The following PTPRD variants were observed in gnomAD, a reference collection of about 807,000 sequenced individuals.
The protein encoded by PTPRD is receptor-type tyrosine-protein phosphatase delta.
PTPRD carries 34 observed loss-of-function variants against 214.5 expected under a neutral mutation model. The observed-to-expected ratio is 0.16, with a 90% CI of 0.12 to 0.21. PTPRD has a LOEUF of 0.21. Among genes scored for constraint, PTPRD ranks in the 10% least tolerant of loss-of-function variants. PTPRD has a pLI of 1.00. For synonymous variants in PTPRD, 1,128 were observed against 845.7 expected (o/e 1.33, Z -5.79); for missense variants, 2,545 against 2,398.7 (o/e 1.06, Z -1.27).
At chr9:9,361,908 G>A (rs752358449) in intron 9 of PTPRD, among the ~76,000 whole-genome samples, 28 of 150,812 alleles carry the variant, frequency 1.9e-4, no homozygotes, top group Non-Finnish European at 3.4e-4. Context: ...AACAAGGATA[G>A]AAACCCCCTA....
chr9:8,775,017 C>T (rs546758465), intron 11 of PTPRD, among the ~76,000 whole-genome samples: 25 of 152,172 alleles, frequency 1.6e-4, no homozygotes, highest in Non-Finnish European at 2.8e-4. Context: ...AATTTTTGAT[C>T]GGGCGCCATG....
intron 8 of PTPRD, among the ~76,000 whole-genome samples, chr9:9,406,612 T>C (rs1179031541): frequency 6.6e-6 from 1 of 151,898 alleles, no homozygotes; most frequent in Admixed American, 6.6e-5. Flanking sequence ...ATTTGATATG[T>C]TCTTGAGTTT....
intron 2 of PTPRD, among the ~76,000 whole-genome samples, chr9:10,398,609 CT>C (rs1250924948): frequency 6.6e-6 from 1 of 151,906 alleles, no homozygotes; most frequent in Non-Finnish European, 1.5e-5. Context: ...AAAACATTTT[CT>C]TCCATAATGC....
intron 27 of PTPRD, among the ~76,000 whole-genome samples, chr9:8,491,811 G>A (rs763702017): frequency 6.6e-6 from 1 of 152,148 alleles, no homozygotes; most frequent in Non-Finnish European, 1.5e-5. Flanking sequence ...ATGGCACGCA[G>A]GAGGGCACTC....
At chr9:9,383,706 G>A (rs2062994500) in intron 9 of PTPRD, among the ~76,000 whole-genome samples, 1 of 152,086 alleles carries the variant, frequency 6.6e-6, no homozygotes, top group Non-Finnish European at 1.5e-5. Flanking sequence ...TTATTGGTAA[G>A]TGTAGGGTAA....
At chr9:8,420,257 C>G (rs1409773926) in intron 35 of PTPRD, among the ~76,000 whole-genome samples, 1 of 152,090 alleles carries the variant, frequency 6.6e-6, no homozygotes, top group East Asian at 1.9e-4. Flanking sequence ...GTACCTGGCA[C>G]ATTGTAAGAG....
intron 9 of PTPRD, among the ~76,000 whole-genome samples, chr9:9,357,876 A>T (rs1596324017): frequency 6.6e-6 from 1 of 151,100 alleles, no homozygotes; most frequent in East Asian, 2.0e-4. Context: ...CCCAGGTAAC[A>T]TCTTTACCTA....
chr9:10,278,250 T>C (rs2154388622), intron 3 of PTPRD, among the ~76,000 whole-genome samples: 1 of 152,092 alleles, frequency 6.6e-6, no homozygotes, highest in African/African-American at 2.4e-5. Flanking sequence ...TTTGAGAAAA[T>C]AATTATAACA....
At chr9:9,084,512 C>A (rs1273760057) in intron 10 of PTPRD, among the ~76,000 whole-genome samples, 3 of 152,046 alleles carry the variant, frequency 2.0e-5, no homozygotes, top group Admixed American at 6.6e-5. Context: ...TGTAACAAAC[C>A]TGCATGTTTT....
chr9:9,965,222 C>T (rs939212064), intron 4 of PTPRD, among the ~76,000 whole-genome samples: 3 of 152,074 alleles, frequency 2.0e-5, no homozygotes, highest in Non-Finnish European at 4.4e-5. Flanking sequence ...AAATAAACTG[C>T]TGTGGAACCT....
chr9:9,142,318 G>A (rs2099861896), intron 10 of PTPRD, among the ~76,000 whole-genome samples: 1 of 152,246 alleles, frequency 6.6e-6, no homozygotes, highest in African/African-American at 2.4e-5. Flanking sequence ...AGGGACAGGA[G>A]AGGTGGGTCA....
chr9:8,760,076 G>A (rs62528802), intron 11 of PTPRD, among the ~76,000 whole-genome samples: 23,752 of 152,092 alleles, frequency 0.16, 2,016 homozygotes, highest in African/African-American at 0.21. Flanking sequence ...GATTACAGGC[G>A]TGCGCCACAA....
At chr9:10,307,905 TA>T in intron 3 of PTPRD, among the ~76,000 whole-genome samples, 1 of 152,152 alleles carries the variant, frequency 6.6e-6, no homozygotes, top group South Asian at 2.1e-4. Context: ...GCCCTGTTTT[TA>T]TTGGGATTAT....
At chr9:10,168,912 CT>C in intron 3 of PTPRD, among the ~76,000 whole-genome samples, 1 of 152,118 alleles carries the variant, frequency 6.6e-6, no homozygotes, top group African/African-American at 2.4e-5. Flanking sequence ...GAATTTAATT[CT>C]TTGTTTGTTT....
At chr9:9,982,502 G>T (rs1016357121) in intron 4 of PTPRD, among the ~76,000 whole-genome samples, 1 of 150,500 alleles carries the variant, frequency 6.6e-6, no homozygotes, top group African/African-American at 2.5e-5. Context: ...GTGTGTGTGT[G>T]TGTGTGTGTG....
At chr9:10,447,962 G>A (rs1382996542) in intron 2 of PTPRD, among the ~76,000 whole-genome samples, 5 of 151,924 alleles carry the variant, frequency 3.3e-5, no homozygotes, top group Admixed American at 3.3e-4. Flanking sequence ...GTTTGACACT[G>A]GCACACATAG....
At chr9:9,306,003 T>C (rs752575623) in intron 9 of PTPRD, among the ~76,000 whole-genome samples, 17 of 152,170 alleles carry the variant, frequency 1.1e-4, no homozygotes, top group Non-Finnish European at 2.1e-4. Flanking sequence ...CAGTTTGTGG[T>C]ATTTTCTTAC....
At chr9:8,968,678 G>A (rs1589060753) in intron 11 of PTPRD, among the ~76,000 whole-genome samples, 1 of 152,076 alleles carries the variant, frequency 6.6e-6, no homozygotes, top group South Asian at 2.1e-4. Flanking sequence ...CACTGGATTA[G>A]TAAGTGAAGG....
chr9:9,132,860 T>C (rs1340235996), intron 10 of PTPRD, among the ~76,000 whole-genome samples: 3 of 152,164 alleles, frequency 2.0e-5, no homozygotes, highest in South Asian at 2.1e-4. Flanking sequence ...GAGTAATATA[T>C]GATTAAGTGC....
Sources: allele counts gnomAD v4.1 joint callset (sites outside exome capture counted in the v4.1 genomes callset), GRCh38; gene constraint gnomAD v4.1.1; transcripts MANE v1.5; gene names NCBI Gene and HGNC (gene_info 2026-07-23, HGNC 2026-07-21).